RABGAP1L: variants seen among roughly 807,000 people sequenced by gnomAD.
The protein encoded by RABGAP1L is rab GTPase-activating protein 1-like.
RABGAP1L carries 63 observed loss-of-function variants against 137.7 expected under a neutral mutation model. That is an observed-to-expected ratio of 0.46 (90% CI 0.37 to 0.56). The LOEUF is 0.56. Among genes scored for constraint, RABGAP1L ranks in the 20% least tolerant of loss-of-function variants. RABGAP1L has a pLI of 0.00. For missense variants in RABGAP1L, 1,095 were observed against 1,244.0 expected (o/e 0.88, Z 1.80); for synonymous variants, 431 against 433.7 (o/e 0.99, Z 0.08).
At chr1:174,535,704 G>C (rs1352567124) in intron 13 of RABGAP1L, among the ~76,000 whole-genome samples, 1 of 152,058 alleles carries the variant, frequency 6.6e-6, no homozygotes, top group East Asian at 1.9e-4. Flanking sequence ...AAAACATTCA[G>C]TTCCTAAAAG....
At chr1:174,366,778 GAAAAAAAA>G (rs71117562) in intron 11 of RABGAP1L, among the ~76,000 whole-genome samples, 28 of 94,830 alleles carry the variant, frequency 3.0e-4, no homozygotes, top group East Asian at 1.2e-3. Context: ...CCGTCTCCAG[GAAAAAAAA>G]AAAAAAAAAA....
At chr1:174,621,226 A>G (rs1383500342) in intron 13 of RABGAP1L, among the ~76,000 whole-genome samples, 2 of 152,198 alleles carry the variant, frequency 1.3e-5, no homozygotes, top group Non-Finnish European at 2.9e-5. Flanking sequence ...ATGGAAGAAC[A>G]TTCCATGCTC....
At chr1:174,217,695 G>A (rs76970794) in intron 1 of RABGAP1L, among the ~76,000 whole-genome samples, 6,139 of 152,140 alleles carry the variant, frequency 0.04, 420 homozygotes, top group African/African-American at 0.14. Flanking sequence ...GTTTTAAAAA[G>A]GAAGGGTGTT....
chr1:174,549,479 C>A (rs1424303288), intron 13 of RABGAP1L, among the ~76,000 whole-genome samples: 2 of 152,092 alleles, frequency 1.3e-5, no homozygotes, highest in African/African-American at 4.8e-5. Context: ...TGTAACATAG[C>A]ATTCTTGTAA....
chr1:174,498,198 CAAAAG>C (rs926458350), intron 13 of RABGAP1L, among the ~76,000 whole-genome samples: 5 of 151,738 alleles, frequency 3.3e-5, no homozygotes, highest in Non-Finnish European at 5.9e-5. Flanking sequence ...GTATATTCAA[CAAAAG>C]AAGAGTGAAG....
chr1:174,629,727 G>A lies in RABGAP1L; in HGVS notation c.1711-7648G>A, dbSNP rs551967180. ...TTTAGTAGAGACTGGGTTTCACCGTGTTGCCAGGCTGGTCTCGAAGTCCTG... is the reference window on the plus strand; with the variant it reads ...TTTAGTAGAGACTGGGTTTCACCGTATTGCCAGGCTGGTCTCGAAGTCCTG... On this transcript the variant is annotated intron_variant, in intron 13 of 25. Coordinates refer to ENST00000681986, the MANE Select transcript of RABGAP1L (RefSeq NM_001366446.1). Among the ~76,000 whole-genome samples the A allele has an allele frequency of 6.6e-5, 10 of 152,122 alleles. No homozygotes were observed. In the East Asian group the frequency reaches 1.9e-3, roughly 29 times the overall value.
intron 13 of RABGAP1L, among the ~76,000 whole-genome samples, chr1:174,622,428 A>G (rs1392985233): frequency 6.6e-6 from 1 of 152,242 alleles, no homozygotes; most frequent in African/African-American, 2.4e-5. Flanking sequence ...GGCACTATTC[A>G]CAATAGCAAA....
intron 17 of RABGAP1L, among the ~76,000 whole-genome samples, chr1:174,704,763 A>G (rs1430074337): frequency 6.6e-6 from 1 of 152,238 alleles, no homozygotes; most frequent in Non-Finnish European, 1.5e-5. Flanking sequence ...CACAATATTC[A>G]CAAAGCATAT....
At position 174,587,393 on chromosome 1, in the gene RABGAP1L, T is replaced by C. The variant is rs377084269; in HGVS notation, c.1711-49982T>C. On this transcript the variant is annotated intron_variant, in intron 13 of 25. Transcript: ENST00000681986. ...CACCAGCATGGCACATGTATACATA[T>C]GTAACTAACCTGCACATTGTGCACA... is the stretch of plus-strand genomic sequence containing the variant. Among the ~76,000 whole-genome samples, 8 of 151,624 alleles carry C rather than the reference T, an allele frequency of 5.3e-5. No individual in the cohort carries two copies. The South Asian group carries it at 1.0e-3, about 20-fold the overall frequency.
chr1:174,616,446 T>G (rs78923809), intron 13 of RABGAP1L, among the ~76,000 whole-genome samples: 18,057 of 152,238 alleles, frequency 0.12, 1,417 homozygotes, highest in South Asian at 0.17. Flanking sequence ...TCTGATTTAT[T>G]CAGTACTCAT....
intron 13 of RABGAP1L, among the ~76,000 whole-genome samples, chr1:174,609,434 A>G (rs1239160791): frequency 1.3e-5 from 2 of 152,202 alleles, no homozygotes; most frequent in African/African-American, 4.8e-5. Context: ...ATTGTTCCTC[A>G]TGACATACAT....
intron 11 of RABGAP1L, among the ~76,000 whole-genome samples, chr1:174,319,719 TTTCTA>T (rs1257329412): frequency 1.3e-5 from 2 of 152,170 alleles, no homozygotes; most frequent in Admixed American, 6.5e-5. Flanking sequence ...AGGAAGTTCT[TTTCTA>T]TTCTTAGTCT....
In RABGAP1L at chr1:174,339,422, A is replaced by T. The variant is rs1172833363; in HGVS notation, c.1466-31557A>T. On this transcript the variant is annotated intron_variant, in intron 11 of 25. Transcript: ENST00000681986. Reference sequence around the variant, plus strand: ...AAGTGAGCCTAAACAAGTTGTCAGTATTCAGGGCTATAACTGTACAGTTGG... The same window carrying T: ...AAGTGAGCCTAAACAAGTTGTCAGTTTTCAGGGCTATAACTGTACAGTTGG... 5.3e-5 allele frequency among the ~76,000 whole-genome samples: 8 copies of T among 152,312 alleles called. No individual in the cohort carries two copies. In the East Asian group the frequency reaches 1.5e-3, roughly 29 times the overall value.
chr1:174,917,933 A>T (rs796931967), intron 19 of RABGAP1L, among the ~76,000 whole-genome samples: 4 of 80,840 alleles, frequency 4.9e-5, no homozygotes, highest in African/African-American at 1.2e-4. Flanking sequence ...ACTCTGTCTT[A>T]AAAAAAAAAA....
intron 19 of RABGAP1L, among the ~76,000 whole-genome samples, chr1:174,913,204 G>C (rs541641868): frequency 1.1e-3 from 172 of 152,232 alleles, no homozygotes; most frequent in Non-Finnish European, 2.2e-3. Context: ...TCGAACTCCT[G>C]ACCTCAAGTG....
chr1:174,405,849 A>T (rs1649201296), intron 13 of RABGAP1L, among the ~76,000 whole-genome samples: 1 of 152,016 alleles, frequency 6.6e-6, no homozygotes, highest in Admixed American at 6.5e-5. Flanking sequence ...GTGGCGACAC[A>T]TGCTTGTAGT....
Position 174,702,258 on chromosome 1 carries a change from T to C in RABGAP1L, c.2169+2T>C. 6.3e-7 allele frequency: 1 copy of C among 1,594,584 alleles called. No homozygotes were observed. The highest frequency in any genetic ancestry group is 8.5e-7 in the Non-Finnish European group (1 of 1,171,794). On this transcript the variant is annotated splice_donor_variant, in intron 17 of 25. Transcript: ENST00000681986. LOFTEE classifies it high-confidence loss of function. Reference sequence around the variant, plus strand: ...ATCATTGACTTACTGCTTTGTGAGGTAGAGTGACTCCCATCTTTCACTAAG... The same window carrying C: ...ATCATTGACTTACTGCTTTGTGAGGCAGAGTGACTCCCATCTTTCACTAAG...
rs1672796597 is a variant in RABGAP1L at position 174,252,539 on chromosome 1, A to T, written c.935A>T (p.Lys312Met). ...AAATTAAAGCAAGGAATAGAGAAGA[A>T]GGTTGTGATTACAGTGCAGCAACTT... ...YFKLKQGIEK[K>M]VVITVQQLSN... The change falls in exon 7 of 26, where the codon AAG (lysine) becomes ATG (methionine). Residue 312 changes from lysine (K) to methionine (M), a missense_variant. By Grantham distance (95) the Lys-to-Met change is moderately conservative. Transcript: ENST00000681986. 6.2e-7 allele frequency: 1 copy of T among 1,613,192 alleles called. No individual in the cohort carries two copies. The highest frequency in any genetic ancestry group is 1.7e-5 in the Admixed American group (1 of 59,874).
intron 24 of RABGAP1L, among the ~76,000 whole-genome samples, chr1:174,987,172 A>T (rs1044576150): frequency 1.4e-5 from 2 of 147,210 alleles, no homozygotes; most frequent in Non-Finnish European, 1.5e-5. Context: ...AGAGGAAGAA[A>T]TTTTTTTTTT....
Sources: gnomAD v4.1 joint callset for allele counts (sites outside exome capture counted in the v4.1 genomes callset) on GRCh38, gnomAD v4.1.1 for gene constraint, MANE v1.5 for transcripts, NCBI Gene and HGNC (gene_info 2026-07-23, HGNC 2026-07-21) for gene names.